MCPH1: variants seen among roughly 807,000 people sequenced by gnomAD.
MCPH1 encodes the protein microcephalin.
MCPH1 carries 104 observed loss-of-function variants against 84.5 expected under a neutral mutation model. The ratio of observed to expected loss-of-function variants is 1.23; its 90% CI spans 1.05 to 1.45. The LOEUF (loss-of-function observed/expected upper bound fraction) is 1.45. MCPH1 is among the 40% of genes most tolerant of loss of function. The probability of loss-of-function intolerance (pLI) is 0.00; values close to 1 mark genes in which losing one functional copy is unlikely to be tolerated. For synonymous variants in MCPH1, 514 were observed against 366.8 expected (o/e 1.40, Z -4.58); for missense variants, 1,498 against 1,005.7 (o/e 1.49, Z -6.62).
At chr8:6,542,325 TGTA>T (rs1821753853) in intron 12 of MCPH1, among the ~76,000 whole-genome samples, 1 of 152,158 alleles carries the variant, frequency 6.6e-6, no homozygotes, top group South Asian at 2.1e-4. Context: ...TGTGTGTGTG[TGTA>T]TGTATGTGTG....
chr8:6,469,598 A>T (rs1430584401), intron 9 of MCPH1, among the ~76,000 whole-genome samples: 3 of 152,236 alleles, frequency 2.0e-5, no homozygotes, highest in Non-Finnish European at 1.5e-5. Flanking sequence ...AATCTTTGTG[A>T]ATATGTGGGT....
chr8:6,638,147 T>A (rs973439740), intron 13 of MCPH1, among the ~76,000 whole-genome samples: 1 of 152,158 alleles, frequency 6.6e-6, no homozygotes, highest in African/African-American at 2.4e-5. Context: ...GGGCTCATTA[T>A]GAGAAACGAC....
At chr8:6,625,673 T>C (rs1311845856) in intron 13 of MCPH1, 1 of 984,838 alleles carries the variant, frequency 1.0e-6, no homozygotes, top group Non-Finnish European at 1.2e-6. Context: ...GGCCCATGCC[T>C]GTTGTCTTAG....
intron 13 of MCPH1, among the ~76,000 whole-genome samples, chr8:6,631,998 C>T (rs1293216222): frequency 6.6e-6 from 1 of 152,154 alleles, no homozygotes; most frequent in Non-Finnish European, 1.5e-5. Flanking sequence ...ATATTATTCA[C>T]CCTTAAAAAG....
intron 12 of MCPH1, among the ~76,000 whole-genome samples, chr8:6,532,864 G>A (rs549559342): frequency 1.8e-4 from 27 of 152,312 alleles, no homozygotes; most frequent in African/African-American, 6.5e-4. Context: ...CTCTGACCAT[G>A]CAGTCAGGAA....
chr8:6,559,347 T>G (rs771583018), intron 12 of MCPH1, among the ~76,000 whole-genome samples: 14 of 152,140 alleles, frequency 9.2e-5, no homozygotes, highest in Non-Finnish European at 1.9e-4. Flanking sequence ...TGACGGCAGC[T>G]ATGTTTGAAG....
intron 9 of MCPH1, among the ~76,000 whole-genome samples, chr8:6,455,542 T>C (rs191465904): frequency 6.6e-6 from 1 of 152,334 alleles, no homozygotes; most frequent in African/African-American, 2.4e-5. Context: ...TGCCAGTGTT[T>C]CTTGCCATTT....
At chr8:6,630,563 C>G (rs1359776364) in intron 13 of MCPH1, among the ~76,000 whole-genome samples, 1 of 152,160 alleles carries the variant, frequency 6.6e-6, no homozygotes, top group Non-Finnish European at 1.5e-5. Flanking sequence ...GGACAGATCA[C>G]TTGAGGTCAG....
intron 12 of MCPH1, chr8:6,508,423 A>T (rs1036418762): frequency 6.1e-6 from 1 of 163,376 alleles, no homozygotes; most frequent in African/African-American, 2.4e-5. Context: ...CTGGACAACA[A>T]AGTAAGACTC....
chr8:6,582,353 T>C (rs1314719049), intron 12 of MCPH1, among the ~76,000 whole-genome samples: 4 of 152,306 alleles, frequency 2.6e-5, no homozygotes, highest in Middle Eastern at 3.4e-3. Flanking sequence ...TAGCCTTATT[T>C]TGCAGTTGAG....
chr8:6,521,924 C>G (rs1481995496), intron 12 of MCPH1, among the ~76,000 whole-genome samples: 1 of 152,194 alleles, frequency 6.6e-6, no homozygotes, highest in Non-Finnish European at 1.5e-5. Context: ...ATACTTCTCC[C>G]AGACTCAAGT....
chr8:6,495,758 C>T (rs933904426), intron 11 of MCPH1, among the ~76,000 whole-genome samples: 13 of 152,188 alleles, frequency 8.5e-5, no homozygotes, highest in East Asian at 3.9e-4. Flanking sequence ...CAATCACTTT[C>T]AGTGATTAAA....
At chr8:6,510,160 T>TC (rs1458622456) in intron 12 of MCPH1, among the ~76,000 whole-genome samples, 2 of 147,882 alleles carry the variant, frequency 1.4e-5, no homozygotes, top group African/African-American at 4.9e-5. Context: ...TGTTTTTTCT[T>TC]TTTTTTTTTT....
rs1044724000 is a variant in MCPH1, at chr8:6,644,458, C to T, written c.*1409C>T. 3 of 152,130 alleles carry T rather than the reference C, an allele frequency of 2.0e-5. No homozygotes were observed. Among genetic ancestry groups the T allele is most frequent in the Non-Finnish European group, 4.4e-5 (3 of 68,028 alleles). 9.4% of individuals were successfully genotyped at this position (152,130 alleles called of 1,614,324 possible). On this transcript the variant is annotated 3_prime_UTR_variant, in exon 14 of 14. Transcript: ENST00000344683. Reference sequence around the variant, plus strand: ...ACCTAGAAAACCCTAAAGACTCTGCCAAAAGGCTCCTGGAACCGATAAATG... The same window carrying T: ...ACCTAGAAAACCCTAAAGACTCTGCTAAAAGGCTCCTGGAACCGATAAATG...
At chr8:6,465,278 A>G (rs1324956835) in intron 9 of MCPH1, among the ~76,000 whole-genome samples, 2 of 152,178 alleles carry the variant, frequency 1.3e-5, no homozygotes, top group Admixed American at 1.3e-4. Flanking sequence ...GGGACTGTAG[A>G]TAAGTAAAAG....
intron 13 of MCPH1, chr8:6,634,860 A>G (rs2980656): frequency 0.47 from 70,747 of 151,964 alleles, 17,023 homozygotes; most frequent in African/African-American, 0.58. Flanking sequence ...TAGATCAATG[A>G]AAAGTAAATA....
At chr8:6,507,463 C>T (rs1352203485) in intron 12 of MCPH1, 2 of 151,934 alleles carry the variant, frequency 1.3e-5, no homozygotes, top group Admixed American at 6.6e-5. Context: ...CAAGAACTAA[C>T]TTGACAGCAT....
intron 2 of MCPH1, among the ~76,000 whole-genome samples, chr8:6,411,576 A>G (rs1201616625): frequency 1.3e-5 from 2 of 152,218 alleles, no homozygotes; most frequent in Non-Finnish European, 2.9e-5. Context: ...CAGTGAGAAC[A>G]AATCTTCTAA....
chr8:6,424,838 T>A (rs989111836), intron 3 of MCPH1, among the ~76,000 whole-genome samples: 4 of 152,252 alleles, frequency 2.6e-5, no homozygotes, highest in African/African-American at 9.6e-5. Flanking sequence ...CCTGTGTTCT[T>A]CCTTGTGTGT....
Sources: gnomAD v4.1 joint callset for allele counts (sites outside exome capture counted in the v4.1 genomes callset) on GRCh38, gnomAD v4.1.1 for gene constraint, MANE v1.5 for transcripts, NCBI Gene and HGNC (gene_info 2026-07-23, HGNC 2026-07-21) for gene names.